The following ZNF804A variants were observed in gnomAD, a reference collection of about 807,000 sequenced individuals.
ZNF804A encodes zinc finger protein 804A.
A neutral mutation model predicts 16.5 loss-of-function variants in ZNF804A; 2 were observed. That is an observed-to-expected ratio of 0.12 (90% CI 0.05 to 0.38). ZNF804A has a LOEUF of 0.38. Ranked by LOEUF, ZNF804A falls within the 10% of genes least tolerant of loss-of-function variation. The pLI is 0.99. For missense variants in ZNF804A, 1,473 were observed against 1,390.7 expected, an observed-to-expected ratio of 1.06 and a Z score of -0.94; for synonymous variants, 534 against 489.6, an observed-to-expected ratio of 1.09 and a Z score of -1.20.
intron 1 of ZNF804A, among the ~76,000 whole-genome samples, chr2:184,601,356 A>C (rs1239600495): frequency 6.6e-6 from 1 of 152,056 alleles, no homozygotes; most frequent in South Asian, 2.1e-4. Context: ...TTTATAGCAC[A>C]TAGGATGCTA....
At chr2:184,664,536 A>G (rs1160876843) in intron 1 of ZNF804A, among the ~76,000 whole-genome samples, 1 of 152,150 alleles carries the variant, frequency 6.6e-6, no homozygotes, top group Non-Finnish European at 1.5e-5. Flanking sequence ...CTTTACTCAA[A>G]TTTTTCATCT....
At chr2:184,743,905 T>G (rs757067590) in intron 1 of ZNF804A, among the ~76,000 whole-genome samples, 9 of 151,956 alleles carry the variant, frequency 5.9e-5, no homozygotes, top group Non-Finnish European at 1.0e-4. Flanking sequence ...GGTGAAGGGA[T>G]TTAGTAGTAT....
At chr2:184,749,324 T>C (rs1475731181) in intron 1 of ZNF804A, among the ~76,000 whole-genome samples, 1 of 151,448 alleles carries the variant, frequency 6.6e-6, no homozygotes, top group African/African-American at 2.4e-5. Flanking sequence ...AGGTATTTCA[T>C]TTTATTTGTG....
At chr2:184,640,390 G>A (rs1410665654) in intron 1 of ZNF804A, among the ~76,000 whole-genome samples, 1 of 151,646 alleles carries the variant, frequency 6.6e-6, no homozygotes, top group African/African-American at 2.4e-5. Flanking sequence ...TTCATTATAT[G>A]ACTTCACTGA....
chr2:184,861,387 G>A (rs1380185345), intron 1 of ZNF804A, among the ~76,000 whole-genome samples: 7 of 152,128 alleles, frequency 4.6e-5, no homozygotes, highest in Non-Finnish European at 8.8e-5. Context: ...GTATTTTTGT[G>A]TGTGAATAGT....
intron 1 of ZNF804A, among the ~76,000 whole-genome samples, chr2:184,696,221 A>G (rs1370091924): frequency 6.6e-6 from 1 of 152,188 alleles, no homozygotes; most frequent in African/African-American, 2.4e-5. Flanking sequence ...TACTTTCAAC[A>G]AAGGCGAGAT....
At chr2:184,708,259 C>A (rs772186691) in intron 1 of ZNF804A, among the ~76,000 whole-genome samples, 7 of 152,038 alleles carry the variant, frequency 4.6e-5, no homozygotes, top group African/African-American at 1.7e-4. Flanking sequence ...TGTGCCTAAG[C>A]TCTTTAATTA....
chr2:184,783,137 A>G lies in ZNF804A; in HGVS notation c.112-83232A>G, dbSNP rs1483012571. On this transcript the variant is annotated intron_variant, in intron 1 of 3. Coordinates refer to ENST00000302277, the MANE Select transcript of ZNF804A (RefSeq NM_194250.2). ...AAAAAAAGAATTATATAAAAGAGTG[A>G]GTTTTTTTTTTTTTTTTTTTTTTTT... Among the ~76,000 whole-genome samples the G allele has an allele frequency of 2.0e-4, 8 of 40,488 alleles. No individual in the cohort carries two copies. The South Asian group carries it at 6.1e-3, about 31-fold the overall frequency. 26.6% of individuals were successfully genotyped at this position (40,488 alleles called of 152,430 possible). A position where few individuals can be genotyped will look rare whatever the true frequency, so the allele number is the denominator to read the frequency against.
At chr2:184,613,720 C>T (rs1559108289) in intron 1 of ZNF804A, among the ~76,000 whole-genome samples, 1 of 152,244 alleles carries the variant, frequency 6.6e-6, no homozygotes, top group Non-Finnish European at 1.5e-5. Context: ...AGGAATACAA[C>T]TTACATGGAA....
At chr2:184,867,562 C>T (rs1298288964) in intron 2 of ZNF804A, among the ~76,000 whole-genome samples, 1 of 151,884 alleles carries the variant, frequency 6.6e-6, no homozygotes. Flanking sequence ...CCTTCAATTA[C>T]ATACTTCACC....
intron 1 of ZNF804A, among the ~76,000 whole-genome samples, chr2:184,820,277 A>C (rs570761491): frequency 6.6e-6 from 1 of 152,314 alleles, no homozygotes; most frequent in South Asian, 2.1e-4. Flanking sequence ...GCAAATCAAT[A>C]ATTGTAATAC....
At chr2:184,914,027 A>G (rs1685408696) in intron 2 of ZNF804A, among the ~76,000 whole-genome samples, 2 of 152,170 alleles carry the variant, frequency 1.3e-5, no homozygotes, top group South Asian at 4.1e-4. Flanking sequence ...GTGTCAGAAC[A>G]TCTGTGTCCT....
chr2:184,729,676 A>C (rs1693480666), intron 1 of ZNF804A, among the ~76,000 whole-genome samples: 1 of 152,146 alleles, frequency 6.6e-6, no homozygotes, highest in African/African-American at 2.4e-5. Flanking sequence ...CGTTGAATAT[A>C]GACTGTAGAA....
intron 1 of ZNF804A, among the ~76,000 whole-genome samples, chr2:184,659,068 T>C (rs1692125813): frequency 6.6e-6 from 1 of 152,044 alleles, no homozygotes. Flanking sequence ...TAAGAACCAA[T>C]AAAAACCCCA....
intron 1 of ZNF804A, among the ~76,000 whole-genome samples, chr2:184,623,215 C>A (rs1349517974): frequency 6.6e-6 from 1 of 151,654 alleles, no homozygotes; most frequent in East Asian, 1.9e-4. Context: ...AGTTAATATG[C>A]ATAAAATACT....
intron 1 of ZNF804A, among the ~76,000 whole-genome samples, chr2:184,660,609 A>G (rs1027674510): frequency 6.6e-6 from 1 of 152,202 alleles, no homozygotes; most frequent in South Asian, 2.1e-4. Context: ...AATCTCTCAT[A>G]CTATGTCAAA....
intron 1 of ZNF804A, among the ~76,000 whole-genome samples, chr2:184,775,943 T>C (rs1694278904): frequency 6.6e-6 from 1 of 151,612 alleles, no homozygotes; most frequent in South Asian, 2.1e-4. Flanking sequence ...CAGAAGAATT[T>C]TGCTTAGAAG....
At chr2:184,908,056 A>T (rs149479902) in intron 2 of ZNF804A, among the ~76,000 whole-genome samples, 1 of 152,236 alleles carries the variant, frequency 6.6e-6, no homozygotes, top group Non-Finnish European at 1.5e-5. Context: ...GTACTATATT[A>T]GTTTCCAATT....
chr2:184,795,649 G>T (rs917579939), intron 1 of ZNF804A, among the ~76,000 whole-genome samples: 2 of 151,650 alleles, frequency 1.3e-5, no homozygotes, highest in African/African-American at 4.8e-5. Context: ...TCTTTGAAAA[G>T]ATAAATAAAA....
Sources: allele counts gnomAD v4.1 joint callset (sites outside exome capture counted in the v4.1 genomes callset), GRCh38; gene constraint gnomAD v4.1.1; transcripts MANE v1.5; gene names NCBI Gene and HGNC (gene_info 2026-07-23, HGNC 2026-07-21).